Variants in PDK3 observed in about 807,000 individuals in gnomAD.
The protein encoded by PDK3 is pyruvate dehydrogenase kinase 3.
PDK3 carries 12 observed loss-of-function variants against 32.0 expected under a neutral mutation model. The ratio of observed to expected loss-of-function variants is 0.37; its 90% CI spans 0.24 to 0.61. The LOEUF is 0.61. PDK3 is among the 20% of genes least tolerant of loss of function. The probability of loss-of-function intolerance (pLI) is 0.65; values close to 1 mark genes in which losing one functional copy is unlikely to be tolerated. For synonymous variants in PDK3, 122 were observed against 116.3 expected (o/e 1.05, Z -0.31); for missense variants, 188 against 316.9 (o/e 0.59, Z 3.09).
chrX:24,499,007 G>T, intron 3 of PDK3, 107 bp downstream of exon 3: 1 of 426,790 alleles, frequency 2.3e-6, no homozygotes. Context: ...GTGGACAAAA[G>T]CGTTCATTTT....
chrX:24,512,671 G>A (rs1360397623), intron 5 of PDK3, among the ~76,000 whole-genome samples: 7 of 111,461 alleles, frequency 6.3e-5, no homozygotes, highest in African/African-American at 2.3e-4. Context: ...GCTGAGACAG[G>A]AGAATCGCTT....
At chrX:24,531,168 C>T (rs886767723) in intron 9 of PDK3, among the ~76,000 whole-genome samples, 12 of 109,983 alleles carry the variant, frequency 1.1e-4, no homozygotes, top group Admixed American at 2.9e-4. Context: ...TGGGTTCAGG[C>T]GATTCTCCTG....
At position 24,474,538 on chromosome X, in the gene PDK3, C is replaced by T. The variant is rs761604652; in HGVS notation, c.106+8977C>T. 2.7e-5 allele frequency among the ~76,000 whole-genome samples: 3 copies of T among 109,826 alleles called. No homozygotes were observed. The South Asian group carries it at 1.2e-3, about 43-fold the overall frequency. ...AAGCAGTTCTCGTGCCTCAGCCTCC[C>T]GAGTACCTGGGACTACAGGCATGCG... On this transcript the variant is annotated intron_variant, in intron 1 of 10. Transcript: ENST00000379162.
intron 7 of PDK3, among the ~76,000 whole-genome samples, chrX:24,526,795 C>T (rs1487623170): frequency 2.7e-5 from 3 of 111,218 alleles, no homozygotes; most frequent in Non-Finnish European, 5.7e-5. Context: ...AGAACCACCC[C>T]TCCCCCCCAC....
At chrX:24,506,495 A>G (rs1182581730) in intron 5 of PDK3, among the ~76,000 whole-genome samples, 1 of 112,238 alleles carries the variant, frequency 8.9e-6, no homozygotes, top group African/African-American at 3.2e-5. Context: ...GCATTGTGAT[A>G]TATGGTATGT....
intron 1 of PDK3, among the ~76,000 whole-genome samples, chrX:24,488,834 C>T (rs1477353186): frequency 8.9e-6 from 1 of 112,283 alleles, no homozygotes; most frequent in African/African-American, 3.2e-5. Context: ...TTCCAAGCCC[C>T]CTCACCTGCT....
intron 7 of PDK3, 84 bp from the exon 8 acceptor site, chrX:24,527,490 T>C: frequency 1.7e-6 from 1 of 575,361 alleles, no homozygotes; most frequent in Non-Finnish European, 2.7e-6. Flanking sequence ...TTGTTGGGTA[T>C]AAGTCATCTT....
rs780372283 is a variant in PDK3 at position 24,527,601 on chromosome X, T to C, written c.778T>C (p.Tyr260His). The C allele has an allele frequency of 1.7e-6, 2 of 1,186,969 alleles. No individual in the cohort carries two copies. The highest frequency in any genetic ancestry group is 3.6e-5 in the South Asian group (2 of 54,969). ...KNSMRATVEL[Y>H]EDRKEGYPAV... ...CTCAATGAGAGCGACAGTTGAACTC[T>C]ATGAAGACAGAAAAGAGGGCTACCC... The change falls in exon 8 of 11, where the codon TAT becomes CAT. Residue 260 changes from tyrosine (Y) to histidine (H), a missense_variant. Physicochemically the swap from Tyr to His is moderately conservative, Grantham distance 83 (BLOSUM62 2). Coordinates refer to ENST00000379162, the MANE Select transcript of PDK3 (RefSeq NM_005391.5).
At chrX:24,478,875 C>A (rs966163302) in intron 1 of PDK3, among the ~76,000 whole-genome samples, 4 of 112,126 alleles carry the variant, frequency 3.6e-5, no homozygotes, top group African/African-American at 1.3e-4. Context: ...TGCTTTCTCT[C>A]TTACCAGGGC....
chrX:24,519,123 A>G, intron 6 of PDK3, 113 bp downstream of exon 6: 2 of 482,589 alleles, frequency 4.1e-6, no homozygotes, highest in Non-Finnish European at 6.9e-6. Context: ...TCATTTTCTT[A>G]TATCTTTTTA....
downstream of PDK3, among the ~76,000 whole-genome samples, chrX:24,534,808 T>C (rs1922735421): frequency 1.8e-5 from 2 of 111,505 alleles, no homozygotes; most frequent in Admixed American, 1.9e-4. Context: ...AAAGGTAAAA[T>C]TAGCCGTGTG....
At chrX:24,512,101 C>T (rs1023533301) in intron 5 of PDK3, among the ~76,000 whole-genome samples, 1 of 111,594 alleles carries the variant, frequency 9.0e-6, no homozygotes, top group Non-Finnish European at 1.9e-5. Flanking sequence ...TACCTTTACA[C>T]ATCTACAAAT....
downstream of PDK3, among the ~76,000 whole-genome samples, chrX:24,535,504 C>CAAAAAAAAAAAAA (rs778785042): frequency 1.8e-5 from 1 of 55,504 alleles, no homozygotes; most frequent in African/African-American, 7.5e-5. Flanking sequence ...GACTCCATCT[C>CAAAAAAAAAAAAA]AAAAAAAAAA....
chrX:24,501,366 A>C (rs1408609053), intron 3 of PDK3, among the ~76,000 whole-genome samples: 2 of 112,650 alleles, frequency 1.8e-5, no homozygotes, highest in Non-Finnish European at 3.7e-5. Context: ...TGGATTTTAG[A>C]CTGGTTTGTA....
downstream of PDK3, among the ~76,000 whole-genome samples, chrX:24,537,364 C>A (rs911620966): frequency 1.9e-5 from 2 of 103,080 alleles, no homozygotes; most frequent in African/African-American, 7.1e-5. Context: ...AACTCCTGAC[C>A]TCAGGTGATC....
At chrX:24,535,654 G>A (rs1038484814), downstream of PDK3, among the ~76,000 whole-genome samples, 1 of 110,879 alleles carries the variant, frequency 9.0e-6, no homozygotes, top group African/African-American at 3.3e-5. Context: ...TGCCATTTGT[G>A]TATATATGTA....
At chrX:24,467,373 A>G (rs992675172) in intron 1 of PDK3, among the ~76,000 whole-genome samples, 2 of 112,768 alleles carry the variant, frequency 1.8e-5, no homozygotes, top group Non-Finnish European at 3.7e-5. Flanking sequence ...CTAAAAGAAA[A>G]CTACCAAATC....
intron 6 of PDK3, among the ~76,000 whole-genome samples, chrX:24,522,376 CTG>C (rs1327717882): frequency 9.0e-6 from 1 of 111,585 alleles, no homozygotes; most frequent in Non-Finnish European, 1.9e-5. Flanking sequence ...GAAATCTAAA[CTG>C]TAATGTTCCC....
chrX:24,494,628 C>T (rs1344707375), intron 1 of PDK3, 114 bp from the exon 2 acceptor site: 9 of 451,937 alleles, frequency 2.0e-5, no homozygotes, highest in Non-Finnish European at 3.3e-5. Context: ...CTAGAGACTG[C>T]AGGATTATTT....
Sources: allele counts gnomAD v4.1 joint callset (sites outside exome capture counted in the v4.1 genomes callset), GRCh38; gene constraint gnomAD v4.1.1; transcripts MANE v1.5; gene names NCBI Gene and HGNC (gene_info 2026-07-23, HGNC 2026-07-21).